The following GPC5 variants were observed in gnomAD, a reference collection of about 807,000 sequenced individuals.
GPC5 encodes the protein glypican 5, also known as glypican-5.
In GPC5, 47 loss-of-function variants were observed where a neutral mutation model predicts 53.9. The observed-to-expected ratio is 0.87, with a 90% CI of 0.69 to 1.11. The LOEUF is 1.11. Ranked by LOEUF, GPC5 falls within the 50% of genes most tolerant of loss-of-function variation. The probability of loss-of-function intolerance (pLI) is 0.00; values close to 1 mark genes in which losing one functional copy is unlikely to be tolerated. For synonymous variants in GPC5, 286 were observed against 263.3 expected, an observed-to-expected ratio of 1.09 and a Z score of -0.84; for missense variants, 748 against 713.1, an observed-to-expected ratio of 1.05 and a Z score of -0.56.
intron 7 of GPC5, among the ~76,000 whole-genome samples, chr13:92,385,812 T>C (rs1009651522): frequency 1.3e-4 from 16 of 123,500 alleles, no homozygotes; most frequent in South Asian, 2.5e-4. Flanking sequence ...CGTATATATA[T>C]ACACGTGTAT....
At chr13:91,426,462 G>A (rs1373348305) in intron 1 of GPC5, among the ~76,000 whole-genome samples, 2 of 152,134 alleles carry the variant, frequency 1.3e-5, no homozygotes, top group Non-Finnish European at 2.9e-5. Flanking sequence ...CAATCACAAG[G>A]TGAAGTCCCA....
intron 3 of GPC5, among the ~76,000 whole-genome samples, chr13:91,707,060 G>C (rs535269589): frequency 1.3e-5 from 2 of 152,000 alleles, no homozygotes; most frequent in South Asian, 4.1e-4. Flanking sequence ...TTTAAAATCA[G>C]GAATAAGACA....
chr13:92,557,014 A>G (rs1313451435), intron 7 of GPC5, among the ~76,000 whole-genome samples: 2 of 151,860 alleles, frequency 1.3e-5, no homozygotes, highest in African/African-American at 2.4e-5. Flanking sequence ...AATCTTTGCA[A>G]TAGTCATCAG....
At chr13:92,481,391 G>A (rs1303310984) in intron 7 of GPC5, among the ~76,000 whole-genome samples, 8 of 152,090 alleles carry the variant, frequency 5.3e-5, no homozygotes, top group East Asian at 3.9e-4. Flanking sequence ...ATGACCCACC[G>A]CGCCTGGCCA....
At chr13:92,563,918 T>C (rs996662546) in intron 7 of GPC5, among the ~76,000 whole-genome samples, 2 of 151,980 alleles carry the variant, frequency 1.3e-5, no homozygotes, top group South Asian at 2.1e-4. Context: ...AGAGAACAGT[T>C]TGGGGTGATC....
At chr13:91,977,219 G>A (rs1301715101) in intron 6 of GPC5, among the ~76,000 whole-genome samples, 1 of 152,038 alleles carries the variant, frequency 6.6e-6, no homozygotes, top group African/African-American at 2.4e-5. Context: ...GAGAATACAG[G>A]CAGATGTTTG....
chr13:92,429,177 A>T (rs139765177), intron 7 of GPC5, among the ~76,000 whole-genome samples: 169 of 152,208 alleles, frequency 1.1e-3, no homozygotes, highest in Middle Eastern at 3.4e-3. Context: ...TTAAAATTAA[A>T]AGATGGACAG....
intron 6 of GPC5, among the ~76,000 whole-genome samples, chr13:92,104,221 T>C (rs1000289305): frequency 1.3e-5 from 2 of 152,126 alleles, no homozygotes; most frequent in African/African-American, 4.8e-5. Flanking sequence ...GCTGCTAAGC[T>C]GTGAGTTTTT....
At chr13:91,693,116 G>A in intron 2 of GPC5, 71 bp from the exon 3 acceptor site, 1 of 1,101,704 alleles carries the variant, frequency 9.1e-7, no homozygotes. Context: ...GTCATTTAAT[G>A]TCTGGAGCAG....
intron 7 of GPC5, among the ~76,000 whole-genome samples, chr13:92,798,838 G>A (rs965864897): frequency 2.6e-5 from 4 of 151,870 alleles, no homozygotes; most frequent in East Asian, 1.9e-4. Flanking sequence ...ATTTAATTAT[G>A]AACACATATT....
At chr13:92,275,856 T>C (rs547946595) in intron 7 of GPC5, among the ~76,000 whole-genome samples, 1 of 152,300 alleles carries the variant, frequency 6.6e-6, no homozygotes, top group South Asian at 2.1e-4. Flanking sequence ...TATCATGACC[T>C]GATATTAGTG....
intron 2 of GPC5, among the ~76,000 whole-genome samples, chr13:91,682,736 T>G (rs1410328750): frequency 6.6e-6 from 1 of 152,170 alleles, no homozygotes; most frequent in East Asian, 1.9e-4. Context: ...GAATCACTAG[T>G]CACCATGCTG....
intron 2 of GPC5, among the ~76,000 whole-genome samples, chr13:91,602,472 A>T (rs186713152): frequency 6.6e-6 from 1 of 152,340 alleles, no homozygotes; most frequent in South Asian, 2.1e-4. Flanking sequence ...TTGTACACCC[A>T]GATATTTATT....
chr13:92,681,279 A>G (rs1474833542), intron 7 of GPC5, among the ~76,000 whole-genome samples: 1 of 152,122 alleles, frequency 6.6e-6, no homozygotes, highest in Admixed American at 6.6e-5. Flanking sequence ...AAACAGTTGT[A>G]GTATTGTTAT....
intron 3 of GPC5, among the ~76,000 whole-genome samples, chr13:91,704,889 G>A (rs960816161): frequency 3.3e-5 from 5 of 152,154 alleles, no homozygotes; most frequent in East Asian, 1.9e-4. Context: ...CTACAGTGGA[G>A]GAATGCAAGT....
chr13:91,761,724 C>G (rs555309820), intron 5 of GPC5, among the ~76,000 whole-genome samples: 1 of 152,174 alleles, frequency 6.6e-6, no homozygotes, highest in Non-Finnish European at 1.5e-5. Context: ...CTCTGGGCAG[C>G]TGCCCTCTAG....
intron 2 of GPC5, among the ~76,000 whole-genome samples, chr13:91,463,038 T>C (rs2139149676): frequency 6.6e-6 from 1 of 152,240 alleles, no homozygotes; most frequent in Admixed American, 6.5e-5. Context: ...CTACTGGTTA[T>C]ATACAGTCAC....
chr13:91,844,702 G>A (rs2038828270), intron 5 of GPC5, among the ~76,000 whole-genome samples: 1 of 151,876 alleles, frequency 6.6e-6, no homozygotes, highest in Admixed American at 6.6e-5. Flanking sequence ...ATCCTTGTGT[G>A]TTTTTTATTT....
Position 91,909,030 on chromosome 13 carries a change from T to G in GPC5, c.1401+973T>G, listed in dbSNP as rs545756678. ...TCCCATTTTCACAAGAGTCCCTATATCTCAAGGAAAGGATATGTAAGAAGG... is the reference window on the plus strand; with the variant it reads ...TCCCATTTTCACAAGAGTCCCTATAGCTCAAGGAAAGGATATGTAAGAAGG... On this transcript the variant is annotated intron_variant, in intron 6 of 7. Transcript: ENST00000377067. Among the ~76,000 whole-genome samples, 568 of 152,238 alleles carry G rather than the reference T, an allele frequency of 3.7e-3. 3 individuals are homozygous for G. Among genetic ancestry groups the G allele is most frequent in the Non-Finnish European group, 5.0e-3 (339 of 68,012 alleles).
Sources: allele counts gnomAD v4.1 joint callset (sites outside exome capture counted in the v4.1 genomes callset), GRCh38; gene constraint gnomAD v4.1.1; transcripts MANE v1.5; gene names NCBI Gene and HGNC (gene_info 2026-07-23, HGNC 2026-07-21).